The following TRPM3 variants were observed in gnomAD, a reference collection of about 807,000 sequenced individuals.
TRPM3 encodes the protein transient receptor potential cation channel subfamily M member 3, also known as long transient receptor potential channel 3.
In TRPM3, 77 loss-of-function variants were observed where a neutral mutation model predicts 181.2. The observed-to-expected ratio is 0.42, with a 90% CI of 0.35 to 0.51. TRPM3 has a LOEUF of 0.51. TRPM3 is among the 20% of genes least tolerant of loss of function. TRPM3 has a pLI of 0.01. For synonymous variants in TRPM3, 745 were observed against 796.4 expected (o/e 0.94, Z 1.09); for missense variants, 1,759 against 2,196.7 (o/e 0.80, Z 3.98).
chr9:71,379,464 T>A (rs2092742781), intron 1 of TRPM3, among the ~76,000 whole-genome samples: 1 of 152,038 alleles, frequency 6.6e-6, no homozygotes, highest in Non-Finnish European at 1.5e-5. Context: ...TGGGTCTTGG[T>A]TTTTCTGCTA....
chr9:70,949,560 G>A (rs1403333061), intron 1 of TRPM3, among the ~76,000 whole-genome samples: 1 of 149,902 alleles, frequency 6.7e-6, no homozygotes, highest in African/African-American at 2.5e-5. Flanking sequence ...TTTTTTTTTA[G>A]TGATGGGGTC....
intron 22 of TRPM3, among the ~76,000 whole-genome samples, chr9:70,587,958 G>C (rs1203980927): frequency 1.3e-5 from 2 of 152,186 alleles, no homozygotes; most frequent in African/African-American, 4.8e-5. Context: ...CCCTTCCCCA[G>C]GTTCCTTATC....
At chr9:70,698,116 G>A (rs2071173872) in intron 8 of TRPM3, among the ~76,000 whole-genome samples, 1 of 151,564 alleles carries the variant, frequency 6.6e-6, no homozygotes, top group African/African-American at 2.4e-5. Context: ...GCTGGGGCAG[G>A]AGGATCACTT....
intron 1 of TRPM3, among the ~76,000 whole-genome samples, chr9:71,280,435 T>C (rs1718351967): frequency 6.6e-6 from 1 of 151,896 alleles, no homozygotes; most frequent in African/African-American, 2.4e-5. Flanking sequence ...AAAGCACGCC[T>C]ACAAATCACA....
intron 1 of TRPM3, among the ~76,000 whole-genome samples, chr9:71,159,983 A>T (rs759771501): frequency 2.0e-5 from 3 of 151,912 alleles, no homozygotes; most frequent in Non-Finnish European, 4.4e-5. Flanking sequence ...CTTCTATCAG[A>T]CCCTATAGGA....
chr9:71,378,519 G>T (rs2092717894), intron 1 of TRPM3, among the ~76,000 whole-genome samples: 1 of 152,048 alleles, frequency 6.6e-6, no homozygotes, highest in Admixed American at 6.6e-5. Context: ...CAACATGAAA[G>T]TGCTATTCAG....
At chr9:70,608,289 C>G (rs765628272) in intron 19 of TRPM3, among the ~76,000 whole-genome samples, 4 of 152,220 alleles carry the variant, frequency 2.6e-5, no homozygotes, top group Admixed American at 1.3e-4. Context: ...TCAAGTTTTT[C>G]TTTTAACAGA....
chr9:70,932,109 C>T (rs987476026), intron 1 of TRPM3, among the ~76,000 whole-genome samples: 1 of 152,108 alleles, frequency 6.6e-6, no homozygotes, highest in Non-Finnish European at 1.5e-5. Flanking sequence ...GCAAGAAAAC[C>T]ATAACATTTG....
intron 22 of TRPM3, among the ~76,000 whole-genome samples, chr9:70,555,867 C>T (rs2047569051): frequency 6.6e-6 from 1 of 152,222 alleles, no homozygotes; most frequent in Non-Finnish European, 1.5e-5. Context: ...CAACAAAGAG[C>T]AGAAATAACT....
At chr9:70,679,602 T>C (rs984734537) in intron 9 of TRPM3, among the ~76,000 whole-genome samples, 20 of 152,064 alleles carry the variant, frequency 1.3e-4, no homozygotes, top group Non-Finnish European at 2.4e-4. Context: ...GGCTATGGGG[T>C]CAGACTGTCT....
chr9:71,333,591 T>G (rs535479712), intron 1 of TRPM3, among the ~76,000 whole-genome samples: 5 of 151,900 alleles, frequency 3.3e-5, no homozygotes, highest in Non-Finnish European at 7.4e-5. Context: ...ATCAACATCC[T>G]CTAAGGAACG....
intron 1 of TRPM3, among the ~76,000 whole-genome samples, chr9:71,151,029 G>T (rs1236894145): frequency 2.0e-5 from 3 of 152,154 alleles, no homozygotes; most frequent in Admixed American, 6.5e-5. Context: ...CAAAAATTCA[G>T]ATTTGATCTC....
chr9:70,801,020 T>G (rs2088841156), intron 6 of TRPM3, among the ~76,000 whole-genome samples: 1 of 152,218 alleles, frequency 6.6e-6, no homozygotes, highest in Admixed American at 6.5e-5. Flanking sequence ...GAATTCTTGG[T>G]GCTCTACTGA....
In TRPM3 at chr9:70,537,303, G is replaced by T. The variant is rs578035531; in HGVS notation, c.3810C>A (p.Asp1270Glu). The T allele has an allele frequency of 3.6e-4, 558 of 1,540,084 alleles. 6 individuals carry two copies. The South Asian group carries it at 6.5e-3, about 18-fold the overall frequency. Residue 1270 changes from aspartate (D) to glutamate (E), a missense_variant, in exon 26 of 26, where the codon GAC (aspartate) becomes GAA (glutamate). Asp to Glu is a conservative substitution (Grantham distance 45). This residue lies in a region of TRPM3 where 612 missense variants were observed against 590.0 expected (regional missense o/e 1.04). Transcript: ENST00000677713. ...TVDIRLAQLEDLIGRMATALE... is the reference protein window; with the variant it reads ...TVDIRLAQLEELIGRMATALE... ...GGGCCGTGGCCATGCGCCCGATAAG[G>T]TCTTCCAGCTGCGCCAGCCGGATGT...
At chr9:71,200,662 T>G (rs1316393288) in intron 1 of TRPM3, among the ~76,000 whole-genome samples, 3 of 152,218 alleles carry the variant, frequency 2.0e-5, no homozygotes, top group Non-Finnish European at 4.4e-5. Flanking sequence ...TTTGTTGGTT[T>G]AAAGTTTGTT....
At chr9:71,328,461 C>T (rs1588509194) in intron 1 of TRPM3, among the ~76,000 whole-genome samples, 1 of 152,156 alleles carries the variant, frequency 6.6e-6, no homozygotes, top group Non-Finnish European at 1.5e-5. Context: ...CCACCGCACC[C>T]GGCCGACTTC....
At chr9:71,068,522 A>G (rs996103986) in intron 1 of TRPM3, among the ~76,000 whole-genome samples, 1 of 152,184 alleles carries the variant, frequency 6.6e-6, no homozygotes, top group African/African-American at 2.4e-5. Flanking sequence ...CACAACTAGT[A>G]TGTGCTTCTA....
At chr9:70,872,149 C>T (rs565125166) in intron 1 of TRPM3, among the ~76,000 whole-genome samples, 86 of 151,978 alleles carry the variant, frequency 5.7e-4, no homozygotes, top group Non-Finnish European at 9.1e-4. Flanking sequence ...TCTTTGAGGG[C>T]GATACAGTCT....
At chr9:70,850,299 G>A (rs2132144486) in intron 3 of TRPM3, among the ~76,000 whole-genome samples, 1 of 152,192 alleles carries the variant, frequency 6.6e-6, no homozygotes, top group South Asian at 2.1e-4. Context: ...GAGCATTCAG[G>A]CAGAAGAGGG....
Sources: gnomAD v4.1 joint callset for allele counts (sites outside exome capture counted in the v4.1 genomes callset) on GRCh38, gnomAD v4.1.1 for gene constraint, gnomAD v4.1.1 regional missense constraint, MANE v1.5 for transcripts, NCBI Gene and HGNC (gene_info 2026-07-23, HGNC 2026-07-21) for gene names.